RHOJ: variants seen among roughly 807,000 people sequenced by gnomAD.
The protein encoded by RHOJ is rho-related GTP-binding protein RhoJ.
A neutral mutation model predicts 23.4 loss-of-function variants in RHOJ; 11 were observed. The ratio of observed to expected loss-of-function variants is 0.47; its 90% CI spans 0.30 to 0.78. RHOJ has a LOEUF of 0.78. Among genes scored for constraint, RHOJ ranks in the 30% least tolerant of loss-of-function variants. RHOJ has a pLI of 0.08. For missense variants in RHOJ, 254 were observed against 273.4 expected, an observed-to-expected ratio of 0.93 and a Z score of 0.50; for synonymous variants, 102 against 102.7, an observed-to-expected ratio of 0.99 and a Z score of 0.04.
chr14:63,248,522 C>T (rs1023205217), intron 1 of RHOJ, among the ~76,000 whole-genome samples: 6 of 152,134 alleles, frequency 3.9e-5, no homozygotes, highest in Admixed American at 1.3e-4. Flanking sequence ...TTTACTATTT[C>T]GAGTAGATTT....
intron 1 of RHOJ, among the ~76,000 whole-genome samples, chr14:63,211,424 G>C (rs2356153): frequency 0.53 from 79,861 of 151,924 alleles, 22,228 homozygotes; most frequent in South Asian, 0.77. Flanking sequence ...ATGATCATGC[G>C]ACTGCACTCC....
chr14:63,245,225 C>G (rs1894955708), intron 1 of RHOJ, among the ~76,000 whole-genome samples: 1 of 152,014 alleles, frequency 6.6e-6, no homozygotes, highest in Non-Finnish European at 1.5e-5. Context: ...TGTGTCTGAG[C>G]ATTACTACAT....
chr14:63,239,931 C>A (rs80219274), intron 1 of RHOJ, among the ~76,000 whole-genome samples: 1 of 152,196 alleles, frequency 6.6e-6, no homozygotes, highest in Admixed American at 6.5e-5. Context: ...TCTGAAGAAC[C>A]GAAATAAAAA....
chr14:63,209,843 A>C (rs1250712205), intron 1 of RHOJ, among the ~76,000 whole-genome samples: 3 of 152,100 alleles, frequency 2.0e-5, no homozygotes, highest in Non-Finnish European at 4.4e-5. Flanking sequence ...ATGAACATAC[A>C]AAAATGTTTA....
chr14:63,279,454 A>G (rs111820380), intron 2 of RHOJ, among the ~76,000 whole-genome samples: 4 of 152,368 alleles, frequency 2.6e-5, no homozygotes, highest in African/African-American at 7.2e-5. Context: ...ATGTGTTACT[A>G]AATTCTATAA....
chr14:63,252,803 G>A (rs1895095069), intron 1 of RHOJ, among the ~76,000 whole-genome samples: 2 of 152,064 alleles, frequency 1.3e-5, no homozygotes, highest in Admixed American at 1.3e-4. Flanking sequence ...TTAAGAGATG[G>A]GGTATCATTA....
At chr14:63,222,078 G>T (rs1480644794) in intron 1 of RHOJ, among the ~76,000 whole-genome samples, 5 of 149,712 alleles carry the variant, frequency 3.3e-5, no homozygotes, top group Non-Finnish European at 7.4e-5. Context: ...GCGGTGTTTG[G>T]TTTTTTTGTC....
chr14:63,261,769 C>T (rs565039964), intron 1 of RHOJ, among the ~76,000 whole-genome samples: 122 of 152,090 alleles, frequency 8.0e-4, no homozygotes, highest in Admixed American at 1.4e-3. Flanking sequence ...ATTATAAATG[C>T]CTAGTTCTTC....
chr14:63,228,949 G>A (rs8003569), intron 1 of RHOJ, among the ~76,000 whole-genome samples: 101,992 of 151,978 alleles, frequency 0.67, 36,793 homozygotes, highest in Middle Eastern at 0.86. Flanking sequence ...TGCTCTCATA[G>A]CTCCTTCTTC....
At position 63,209,972 on chromosome 14, in the gene RHOJ, T is replaced by C. The variant is rs187701283; in HGVS notation, c.178+4925T>C. ...TTTTTCCTTTTTTTTCTTTTTTTTTTTTTCTTGAGACAGAGTCTCACTCTG... is the reference window on the plus strand; with the variant it reads ...TTTTTCCTTTTTTTTCTTTTTTTTTCTTTCTTGAGACAGAGTCTCACTCTG... On this transcript the variant is annotated intron_variant, in intron 1 of 4. Transcript: ENST00000316754. Among the ~76,000 whole-genome samples the C allele has an allele frequency of 4.3e-3, 653 of 150,378 alleles. 6 individuals carry two copies. The highest frequency in any genetic ancestry group is 0.015 in the African/African-American group (625 of 40,998).
At position 63,290,013 on chromosome 14, in the gene RHOJ, C is replaced by T. The variant is rs1321414194; in HGVS notation, c.499-865C>T. On this transcript the variant is annotated intron_variant, in intron 4 of 4. Transcript: ENST00000316754. ...ATCCCAGCATTTTTGGAGGCTGAGG[C>T]GGGCGCATCACATGAGGTCAGGAGT... Among the ~76,000 whole-genome samples, 5 of 151,896 alleles carry T rather than the reference C, an allele frequency of 3.3e-5. No homozygotes were observed. The South Asian group carries it at 6.2e-4, about 19-fold the overall frequency.
intron 1 of RHOJ, among the ~76,000 whole-genome samples, chr14:63,213,999 GA>G (rs936445958): frequency 6.6e-6 from 1 of 152,162 alleles, no homozygotes; most frequent in Non-Finnish European, 1.5e-5. Flanking sequence ...GACTTTAATA[GA>G]CACTTAGTCA....
chr14:63,207,035 C>CTT lies in RHOJ; in HGVS notation c.178+2001_178+2002dup, dbSNP rs200555463. ...GTGGTCATTTCTTTTCTTTTCTTTTCTTTTTTTTTTTTTTGAGACAGAGTC... is the reference window on the plus strand; with the variant it reads ...GTGGTCATTTCTTTTCTTTTCTTTTCTTTTTTTTTTTTTTTTGAGACAGAGTC... On this transcript the variant is annotated intron_variant, in intron 1 of 4. Transcript: ENST00000316754. Among the ~76,000 whole-genome samples, 18 of 141,072 alleles carry CTT rather than the reference C, an allele frequency of 1.3e-4. No individual in the cohort carries two copies. In the South Asian group the frequency reaches 1.3e-3, roughly 11 times the overall value. The allele number at this position is 141,072 out of a possible 152,430, so 92.5% of individuals were successfully genotyped here.
In RHOJ at chr14:63,234,033, C is replaced by T. The variant is rs543329211; in HGVS notation, c.178+28986C>T. Among the ~76,000 whole-genome samples, 3 of 152,362 alleles carry T rather than the reference C, an allele frequency of 2.0e-5. No homozygotes were observed. The East Asian group carries it at 5.8e-4, about 29-fold the overall frequency. The stretch of plus-strand genomic sequence containing the variant: ...CACTGCACTACATGTCAGTCCCACA[C>T]TCTCATTTCCACATTTGTGCAAGCC... On this transcript the variant is annotated intron_variant, in intron 1 of 4. Transcript: ENST00000316754.
At chr14:63,210,138 T>A (rs1166752694) in intron 1 of RHOJ, among the ~76,000 whole-genome samples, 1 of 151,544 alleles carries the variant, frequency 6.6e-6, no homozygotes, top group Non-Finnish European at 1.5e-5. Context: ...TTTTTTCTAT[T>A]TTTAGTAAAG....
chr14:63,249,819 T>G (rs1895037297), intron 1 of RHOJ, among the ~76,000 whole-genome samples: 1 of 152,200 alleles, frequency 6.6e-6, no homozygotes, highest in Non-Finnish European at 1.5e-5. Flanking sequence ...TGCCTGGATA[T>G]CGATAGATTC....
intron 4 of RHOJ, among the ~76,000 whole-genome samples, chr14:63,285,205 G>A (rs555482788): frequency 1.4e-4 from 21 of 152,264 alleles, no homozygotes; most frequent in African/African-American, 4.3e-4. Context: ...ACCCCCTGAG[G>A]TGTGTATATT....
intron 1 of RHOJ, among the ~76,000 whole-genome samples, chr14:63,251,933 C>T (rs1020819802): frequency 6.6e-6 from 1 of 152,034 alleles, no homozygotes; most frequent in African/African-American, 2.4e-5. Context: ...CCAGCCTGGT[C>T]ATCATGGCAA....
At chr14:63,252,018 A>C (rs1895080507) in intron 1 of RHOJ, among the ~76,000 whole-genome samples, 1 of 152,104 alleles carries the variant, frequency 6.6e-6, no homozygotes, top group East Asian at 1.9e-4. Context: ...CCCAGGAGGC[A>C]GAGGTTGCAG....
Sources: gnomAD v4.1 joint callset for allele counts (sites outside exome capture counted in the v4.1 genomes callset) on GRCh38, gnomAD v4.1.1 for gene constraint, MANE v1.5 for transcripts, NCBI Gene and HGNC (gene_info 2026-07-23, HGNC 2026-07-21) for gene names.